The following NRXN3 variants were observed in gnomAD, a reference collection of about 807,000 sequenced individuals.
The protein encoded by NRXN3 is neurexin 3.
A neutral mutation model predicts 137.6 loss-of-function variants in NRXN3; 32 were observed. The ratio of observed to expected loss-of-function variants is 0.23; its 90% CI spans 0.18 to 0.31. NRXN3 has a LOEUF of 0.31. NRXN3 is among the 10% of genes least tolerant of loss of function. NRXN3 has a pLI of 1.00. For synonymous variants in NRXN3, 798 were observed against 784.5 expected (o/e 1.02, Z -0.29); for missense variants, 1,574 against 2,062.5 (o/e 0.76, Z 4.59).
At chr14:78,331,596 T>C (rs2153570602) in intron 4 of NRXN3, among the ~76,000 whole-genome samples, 1 of 152,306 alleles carries the variant, frequency 6.6e-6, no homozygotes, top group East Asian at 1.9e-4. Flanking sequence ...CCAATTATAG[T>C]TGAATATAAT....
chr14:79,552,604 AC>A (rs1451510648), intron 16 of NRXN3, among the ~76,000 whole-genome samples: 1 of 152,128 alleles, frequency 6.6e-6, no homozygotes, highest in African/African-American at 2.4e-5. Context: ...AAGGTTAAAT[AC>A]CCTTTTCATA....
At chr14:79,294,890 T>C (rs1287213905) in intron 15 of NRXN3, among the ~76,000 whole-genome samples, 1 of 152,056 alleles carries the variant, frequency 6.6e-6, no homozygotes, top group South Asian at 2.1e-4. Context: ...ATCCTTTCCA[T>C]CTCTATTGCA....
intron 15 of NRXN3, among the ~76,000 whole-genome samples, chr14:79,236,702 A>G (rs912365312): frequency 6.6e-6 from 1 of 151,872 alleles, no homozygotes; most frequent in South Asian, 2.1e-4. Flanking sequence ...ACTTGAACTC[A>G]AGAGTTGGAG....
intron 16 of NRXN3, among the ~76,000 whole-genome samples, chr14:79,618,009 C>T (rs539194379): frequency 6.7e-6 from 1 of 149,410 alleles, no homozygotes; most frequent in East Asian, 2.0e-4. Context: ...AGCCTTACTT[C>T]TTTCTTCTAC....
At position 79,697,868 on chromosome 14, in the gene NRXN3, T is replaced by C. The variant is rs35826154; in HGVS notation, c.3945T>C (p.Thr1315=). 1,900 of 1,613,298 alleles carry C rather than the reference T, an allele frequency of 1.2e-3. 24 individuals are homozygous for C. In the African/African-American group the frequency reaches 0.022, roughly 19 times the overall value. The change falls in exon 19 of 21, where the codon ACT becomes ACC. Residue 1315 remains threonine (T), a synonymous_variant. Coordinates refer to ENST00000335750, the MANE Select transcript of NRXN3 (RefSeq NM_001330195.2). ...CCATGCCACCAGAAATGTCTACTAC[T>C]GTCATGGAAACCACTACTACAATGG... ...TTSMPPEMST[T]VMETTTTMAT...
intron 15 of NRXN3, among the ~76,000 whole-genome samples, chr14:79,395,727 T>A (rs757234241): frequency 1.1e-4 from 17 of 150,436 alleles, no homozygotes; most frequent in Non-Finnish European, 2.5e-4. Context: ...GAGAATGGCG[T>A]GAACCCGGGA....
rs1295916173 is a variant in NRXN3, at chr14:78,490,735, A to AACATTTATT, written c.758-154374_758-154366dup. Among the ~76,000 whole-genome samples the AACATTTATT allele has an allele frequency of 1.4e-4, 22 of 152,224 alleles. 1 individual carries two copies. The highest frequency in any genetic ancestry group is 3.3e-4 in the Admixed American group (5 of 15,282). On this transcript the variant is annotated intron_variant, in intron 4 of 20. Transcript: ENST00000335750. ...CCACTTTGGGAACTTTACATATATT[A>AACATTTATT]ACATTTATTACATTTATTATTCTTA... is the stretch of plus-strand genomic sequence containing the variant.
At chr14:78,829,263 G>A (rs1020932361) in intron 10 of NRXN3, among the ~76,000 whole-genome samples, 5 of 152,066 alleles carry the variant, frequency 3.3e-5, no homozygotes, top group South Asian at 2.1e-4. Flanking sequence ...AGGCAAATTC[G>A]CAGGTTATCT....
At chr14:79,816,115 A>AT (rs551622283) in intron 20 of NRXN3, among the ~76,000 whole-genome samples, 2 of 152,214 alleles carry the variant, frequency 1.3e-5, no homozygotes, top group Non-Finnish European at 2.9e-5. Flanking sequence ...TTATTGTGAG[A>AT]TAAAAACTAG....
chr14:79,175,972 A>T (rs1481341987), intron 15 of NRXN3, among the ~76,000 whole-genome samples: 1 of 152,234 alleles, frequency 6.6e-6, no homozygotes, highest in African/African-American at 2.4e-5. Flanking sequence ...GATGGCTTTT[A>T]AAAGAGGTGT....
chr14:78,458,881 C>T (rs1270680049), intron 4 of NRXN3, among the ~76,000 whole-genome samples: 1 of 152,264 alleles, frequency 6.6e-6, no homozygotes, highest in East Asian at 1.9e-4. Context: ...AGAAATATGG[C>T]GCAGGTGAAC....
intron 15 of NRXN3, among the ~76,000 whole-genome samples, chr14:79,345,038 A>G (rs60780635): frequency 1.3e-5 from 2 of 152,206 alleles, no homozygotes; most frequent in Non-Finnish European, 2.9e-5. Flanking sequence ...TCTTTCTAAC[A>G]TATGTCCTCT....
chr14:79,845,442 T>A (rs2099365097), intron 20 of NRXN3, among the ~76,000 whole-genome samples: 2 of 151,752 alleles, frequency 1.3e-5, no homozygotes, highest in African/African-American at 2.4e-5. Context: ...TGACTCTTTC[T>A]TTCACTTGAA....
intron 14 of NRXN3, among the ~76,000 whole-genome samples, chr14:78,969,828 T>G (rs574770009): frequency 7.8e-6 from 1 of 128,210 alleles, no homozygotes; most frequent in East Asian, 2.0e-4. Context: ...TGTGTGTGTG[T>G]GTGTGTGTGT....
chr14:79,406,147 C>CA (rs1453504009), intron 15 of NRXN3, among the ~76,000 whole-genome samples: 4 of 152,080 alleles, frequency 2.6e-5, no homozygotes, highest in African/African-American at 9.7e-5. Context: ...AAAGTGCCCC[C>CA]ACCTGACATT....
intron 4 of NRXN3, among the ~76,000 whole-genome samples, chr14:78,540,284 G>A (rs1314839450): frequency 6.6e-6 from 1 of 152,012 alleles, no homozygotes; most frequent in Non-Finnish European, 1.5e-5. Context: ...TATGAATCTG[G>A]GTGCTCCTGC....
chr14:79,695,481 A>G (rs1211601159), intron 18 of NRXN3, among the ~76,000 whole-genome samples: 1 of 151,936 alleles, frequency 6.6e-6, no homozygotes, highest in African/African-American at 2.4e-5. Flanking sequence ...CTAATGTAAG[A>G]TACTGAATTT....
chr14:79,072,460 G>C (rs2099689122), intron 15 of NRXN3: 1 of 152,116 alleles, frequency 6.6e-6, no homozygotes, highest in South Asian at 2.1e-4. Flanking sequence ...CATTGAGCAG[G>C]TTACGAACCT....
intron 1 of NRXN3, among the ~76,000 whole-genome samples, chr14:78,189,650 A>G (rs778034450): frequency 1.6e-4 from 24 of 151,914 alleles, no homozygotes; most frequent in Middle Eastern, 3.4e-3. Flanking sequence ...GCAGTGGTGC[A>G]ATCTCGGCTC....
Sources: gnomAD v4.1 joint callset for allele counts (sites outside exome capture counted in the v4.1 genomes callset) on GRCh38, gnomAD v4.1.1 for gene constraint, MANE v1.5 for transcripts, NCBI Gene and HGNC (gene_info 2026-07-23, HGNC 2026-07-21) for gene names.